Variants in POLR3B observed in about 807,000 individuals in gnomAD.
POLR3B encodes DNA-directed RNA polymerase III subunit RPC2.
Under a neutral mutation model 147.4 loss-of-function variants are expected in POLR3B, and 96 were observed. The observed-to-expected ratio is 0.65, with a 90% CI of 0.55 to 0.77. POLR3B has a LOEUF of 0.77. Ranked by LOEUF, POLR3B falls within the 30% of genes least tolerant of loss-of-function variation. The pLI is 0.00. For missense variants in POLR3B, 1,036 were observed against 1,413.5 expected (o/e 0.73, Z 4.28); for synonymous variants, 461 against 485.9 (o/e 0.95, Z 0.67).
intron 23 of POLR3B, among the ~76,000 whole-genome samples, chr12:106,492,684 A>G (rs912263928): frequency 1.3e-5 from 2 of 152,234 alleles, no homozygotes; most frequent in Non-Finnish European, 2.9e-5. Flanking sequence ...AGGAGCCAGC[A>G]GTGTCTGAAG....
rs374196421 is a variant in POLR3B, at chr12:106,369,257, C to T, written c.228-18C>T. The T allele has an allele frequency of 2.2e-6, 3 of 1,365,190 alleles. No homozygotes were observed. Among genetic ancestry groups the T allele is most frequent in the Non-Finnish European group, 3.1e-6 (3 of 953,188 alleles). 84.6% of individuals were successfully genotyped at this position (1,365,190 alleles called of 1,614,324 possible). ...CTTCGAAGAAGTATAATTCATACCG[C>T]ACTAATTTGCTTTTCAGATATCTTA... On this transcript the variant is annotated intron_variant, in intron 4 of 27. Transcript: ENST00000228347.
intron 23 of POLR3B, among the ~76,000 whole-genome samples, chr12:106,466,755 T>C (rs2038011456): frequency 6.6e-6 from 1 of 152,204 alleles, no homozygotes; most frequent in South Asian, 2.1e-4. Flanking sequence ...AAAGATCAGA[T>C]GGTGGTAGAT....
chr12:106,473,929 C>A (rs1490981334), intron 23 of POLR3B, among the ~76,000 whole-genome samples: 1 of 151,358 alleles, frequency 6.6e-6, no homozygotes, highest in East Asian at 1.9e-4. Context: ...GAGAGGGCAT[C>A]CCTGTCCTGT....
intron 9 of POLR3B, among the ~76,000 whole-genome samples, chr12:106,388,345 G>A (rs2036867683): frequency 6.6e-6 from 1 of 151,242 alleles, no homozygotes; most frequent in Non-Finnish European, 1.5e-5. Flanking sequence ...TTGAGATGGA[G>A]TCTTGCTCTG....
chr12:106,504,348 G>A lies in POLR3B; in HGVS notation c.3272+94G>A. On this transcript the variant is annotated intron_variant, in intron 27 of 27. Transcript: ENST00000228347. The surrounding 1 kb of genome is among the most constrained non-coding windows in gnomAD (Gnocchi z 4.6). Reference sequence around the variant, plus strand: ...CTGGATCCTATCCGCATATTCTCCAGCCTCTGTCTGTGATCACTAACATAC... The same window carrying A: ...CTGGATCCTATCCGCATATTCTCCAACCTCTGTCTGTGATCACTAACATAC... 2 of 1,021,776 alleles carry A rather than the reference G, an allele frequency of 2.0e-6. No individual in the cohort carries two copies. The highest frequency in any genetic ancestry group is 1.3e-5 in the South Asian group (1 of 78,358). The allele number at this position is 1,021,776 out of a possible 1,614,324, so 63.3% of individuals were successfully genotyped here. A position where few individuals can be genotyped will look rare whatever the true frequency, so the allele number is the denominator to read the frequency against.
At chr12:106,479,530 G>A (rs987285428) in intron 23 of POLR3B, among the ~76,000 whole-genome samples, 4 of 151,418 alleles carry the variant, frequency 2.6e-5, no homozygotes, top group East Asian at 2.0e-4. Flanking sequence ...ACAGGTGCCC[G>A]CCACCATGCC....
chr12:106,457,352 A>C lies in POLR3B; in HGVS notation c.2452+56A>C, dbSNP rs901782727. 3 of 1,432,376 alleles carry C rather than the reference A, an allele frequency of 2.1e-6. No homozygotes were observed. The African/African-American group carries it at 4.2e-5, about 20-fold the overall frequency. 88.7% of individuals were successfully genotyped at this position (1,432,376 alleles called of 1,614,324 possible). A position where few individuals can be genotyped will look rare whatever the true frequency, so the allele number is the denominator to read the frequency against. ...TACTTTTTGACATCATATGTTATTC[A>C]ATAATATTTCTGAATATTTGGCAAA... On this transcript the variant is annotated intron_variant, in intron 21 of 27. Transcript: ENST00000228347.
intron 9 of POLR3B, among the ~76,000 whole-genome samples, chr12:106,384,247 G>A (rs1052846286): frequency 5.3e-5 from 8 of 152,156 alleles, no homozygotes; most frequent in African/African-American, 1.9e-4. Context: ...TAGTTACATA[G>A]CAGCCCATTT....
intron 12 of POLR3B, among the ~76,000 whole-genome samples, chr12:106,419,510 A>AT (rs2037346789): frequency 6.6e-6 from 1 of 152,198 alleles, no homozygotes; most frequent in African/African-American, 2.4e-5. Context: ...TCAGTATGGA[A>AT]TCTGGAAAAT....
At chr12:106,459,960 G>T (rs1211187327) in intron 22 of POLR3B, among the ~76,000 whole-genome samples, 1 of 152,164 alleles carries the variant, frequency 6.6e-6, no homozygotes, top group African/African-American at 2.4e-5. Context: ...AAGGGCCAAT[G>T]ATAGTCACCA....
chr12:106,482,909 T>C (rs1373767955), intron 23 of POLR3B, among the ~76,000 whole-genome samples: 1 of 152,178 alleles, frequency 6.6e-6, no homozygotes, highest in African/African-American at 2.4e-5. Flanking sequence ...ATAAGTGTAA[T>C]TTATTCTTCC....
intron 10 of POLR3B, among the ~76,000 whole-genome samples, chr12:106,393,416 A>G (rs1358994713): frequency 6.6e-6 from 1 of 150,554 alleles, no homozygotes; most frequent in African/African-American, 2.5e-5. Context: ...TATAATAGGA[A>G]GTACTGTTTT....
At chr12:106,487,630 G>A (rs769764013) in intron 23 of POLR3B, among the ~76,000 whole-genome samples, 11 of 127,742 alleles carry the variant, frequency 8.6e-5, no homozygotes, top group South Asian at 2.6e-4. Flanking sequence ...ATCACATTTC[G>A]GTGCCCAATG....
At chr12:106,402,813 A>G (rs935297329) in intron 10 of POLR3B, among the ~76,000 whole-genome samples, 1 of 152,234 alleles carries the variant, frequency 6.6e-6, no homozygotes, top group South Asian at 2.1e-4. Flanking sequence ...TTAATTCCAG[A>G]TGGATTAAAG....
intron 16 of POLR3B, among the ~76,000 whole-genome samples, chr12:106,436,718 G>T (rs1474707462): frequency 1.3e-5 from 2 of 152,118 alleles, no homozygotes; most frequent in African/African-American, 4.8e-5. Context: ...TAAAGGTTTT[G>T]TTTCCTTTTC....
chr12:106,437,269 G>A (rs2037590161), intron 17 of POLR3B, 138 bp downstream of exon 17: 1 of 722,830 alleles, frequency 1.4e-6, no homozygotes, highest in African/African-American at 1.7e-5. Flanking sequence ...TGCTCCATGT[G>A]AACTTGCTTG....
At chr12:106,408,982 T>C (rs1478848786) in intron 11 of POLR3B, among the ~76,000 whole-genome samples, 1 of 152,150 alleles carries the variant, frequency 6.6e-6, no homozygotes, top group Non-Finnish European at 1.5e-5. Context: ...TACAGTTCAG[T>C]AGGGGCATTT....
At chr12:106,446,327 C>G in intron 19 of POLR3B, 1 of 449,578 alleles carries the variant, frequency 2.2e-6, no homozygotes, top group Non-Finnish European at 4.4e-6. Flanking sequence ...AGAGCTGCAA[C>G]TATCTCTATG....
intron 1 of POLR3B, among the ~76,000 whole-genome samples, chr12:106,361,989 A>G (rs1392901477): frequency 6.6e-6 from 1 of 152,192 alleles, no homozygotes; most frequent in Non-Finnish European, 1.5e-5. Flanking sequence ...AGTCCTGACT[A>G]TAACGGAATG....
Sources: gnomAD v4.1 joint callset for allele counts (sites outside exome capture counted in the v4.1 genomes callset) on GRCh38, gnomAD v4.1.1 for gene constraint, Gnocchi (gnomAD v3.1) non-coding constraint, MANE v1.5 for transcripts, NCBI Gene and HGNC (gene_info 2026-07-23, HGNC 2026-07-21) for gene names.